Variants in FER1L6 observed in about 807,000 individuals in gnomAD.
FER1L6 encodes the protein fer-1 like family member 6.
A neutral mutation model predicts 219.2 loss-of-function variants in FER1L6; 177 were observed. The observed-to-expected ratio is 0.81, with a 90% CI of 0.71 to 0.91. The LOEUF (loss-of-function observed/expected upper bound fraction) is 0.91, where lower values mean the gene tolerates loss of function less well. Among genes scored for constraint, FER1L6 ranks in the 40% least tolerant of loss-of-function variants. The pLI is 0.00. For synonymous variants in FER1L6, 768 were observed against 824.3 expected, an observed-to-expected ratio of 0.93 and a Z score of 1.17; for missense variants, 2,153 against 2,259.9, an observed-to-expected ratio of 0.95 and a Z score of 0.96.
At chr8:123,886,054 C>G (rs556485654) in intron 1 of FER1L6, among the ~76,000 whole-genome samples, 7 of 152,306 alleles carry the variant, frequency 4.6e-5, no homozygotes, top group African/African-American at 1.7e-4. Flanking sequence ...CTTGAGACTG[C>G]GTTCGGAGTA....
At chr8:124,094,806 G>A in intron 34 of FER1L6, 90 bp from the exon 35 acceptor site, 1 of 1,401,568 alleles carries the variant, frequency 7.1e-7, no homozygotes, top group Non-Finnish European at 1.0e-6. Context: ...ATTTAAATAA[G>A]CCTGTAAGTG....
chr8:124,112,628 C>T (rs1251296362), intron 39 of FER1L6, among the ~76,000 whole-genome samples: 1 of 152,198 alleles, frequency 6.6e-6, no homozygotes, highest in Non-Finnish European at 1.5e-5. Context: ...ATCCCTGGTA[C>T]ATCAACAACC....
intron 20 of FER1L6, 115 bp downstream of exon 20, chr8:124,040,121 T>G: frequency 3.6e-6 from 5 of 1,383,828 alleles, no homozygotes; most frequent in Non-Finnish European, 4.0e-6. Context: ...TCTTTGGGTG[T>G]GTAGATGTTT....
intron 1 of FER1L6, among the ~76,000 whole-genome samples, chr8:123,886,902 A>C (rs1270186674): frequency 6.6e-6 from 1 of 152,190 alleles, no homozygotes; most frequent in Non-Finnish European, 1.5e-5. Context: ...AAATATCGAA[A>C]CTGACCCAAT....
chr8:123,872,020 G>C (rs1286628008), intron 1 of FER1L6, among the ~76,000 whole-genome samples: 2 of 152,142 alleles, frequency 1.3e-5, no homozygotes, highest in Admixed American at 1.3e-4. Flanking sequence ...GTATAACACA[G>C]GTATTTGCTT....
intron 1 of FER1L6, among the ~76,000 whole-genome samples, chr8:123,885,058 T>A (rs1044051119): frequency 6.6e-6 from 1 of 152,074 alleles, no homozygotes; most frequent in African/African-American, 2.4e-5. Flanking sequence ...ACTGGAGTGA[T>A]GCACCTGCAA....
At chr8:124,009,759 G>C (rs1817827298) in intron 13 of FER1L6, among the ~76,000 whole-genome samples, 1 of 152,058 alleles carries the variant, frequency 6.6e-6, no homozygotes, top group African/African-American at 2.4e-5. Context: ...TGCAGACCCA[G>C]CGAGGAGCCA....
chr8:124,056,050 A>AC (rs1222652508), intron 22 of FER1L6, among the ~76,000 whole-genome samples: 1 of 152,026 alleles, frequency 6.6e-6, no homozygotes, highest in Non-Finnish European at 1.5e-5. Flanking sequence ...CCTCATAAGG[A>AC]CCCTCAAGAA....
intron 1 of FER1L6, among the ~76,000 whole-genome samples, chr8:123,856,015 A>G (rs1816633695): frequency 6.9e-6 from 1 of 143,990 alleles, no homozygotes; most frequent in South Asian, 2.2e-4. Flanking sequence ...TATGAGATAT[A>G]TGTATATACA....
In FER1L6 at chr8:124,094,634, C is replaced by T. The variant is rs113000328; in HGVS notation, c.4553-262C>T. 4.9e-3 allele frequency among the ~76,000 whole-genome samples: 751 copies of T among 152,070 alleles called. 5 individuals are homozygous for T. The highest frequency in any genetic ancestry group is 0.016 in the African/African-American group (658 of 41,486). ...CTGAGTAGCTGGGATTACAGGCACC[C>T]GCCACCACACCTGGCTAATTTTTTG... On this transcript the variant is annotated intron_variant, in intron 34 of 40. Transcript: ENST00000522917.
chr8:123,906,135 C>T (rs1460235338), intron 1 of FER1L6, among the ~76,000 whole-genome samples: 5 of 152,150 alleles, frequency 3.3e-5, no homozygotes, highest in Admixed American at 6.6e-5. Flanking sequence ...TGGGTATTTC[C>T]ACTGACCCTT....
intron 32 of FER1L6, among the ~76,000 whole-genome samples, chr8:124,082,026 G>A (rs544490179): frequency 7.9e-5 from 12 of 152,224 alleles, no homozygotes; most frequent in East Asian, 1.9e-4. Flanking sequence ...CCTCTCCATC[G>A]TGCTGTCACC....
At position 123,853,448 on chromosome 8, in the gene FER1L6, C is replaced by T. The variant is rs1050745902; in HGVS notation, c.-8+1263C>T. On this transcript the variant is annotated intron_variant, in intron 1 of 40. Transcript: ENST00000522917. This position sits in a 1 kb window ranked among gnomAD's most constrained non-coding sequence, Gnocchi z 6.6. ...GGGATTATAGGCGTGAGCCACCGTA[C>T]CCGGCCTAAAATAGAAGAAATCATT... is the stretch of plus-strand genomic sequence containing the variant. 6.6e-6 allele frequency among the ~76,000 whole-genome samples: 1 copy of T among 152,210 alleles called. No individual in the cohort carries two copies. Among genetic ancestry groups the T allele is most frequent in the African/African-American group, 2.4e-5 (1 of 41,444 alleles).
chr8:124,082,341 T>C lies in FER1L6; in HGVS notation c.4274T>C (p.Ile1425Thr). 6.2e-7 allele frequency: 1 copy of C among 1,614,002 alleles called. No homozygotes were observed. The highest frequency in any genetic ancestry group is 8.5e-7 in the Non-Finnish European group (1 of 1,179,926). ...AAAGAGTCCCTGCTCTCCATCCTGA[T>C]CTATGACCATGACATGATTGGCACA... Reference protein sequence around the residue: ...FPKESLLSILIYDHDMIGTDD... With the variant: ...FPKESLLSILTYDHDMIGTDD... Residue 1425 changes from isoleucine to threonine, a missense_variant, in exon 33 of 41, where the codon ATC (isoleucine) becomes ACC (threonine). Physicochemically the swap from Ile to Thr is moderately conservative, Grantham distance 89. Transcript: ENST00000522917.
chr8:123,897,936 T>C (rs1812773570), intron 1 of FER1L6, among the ~76,000 whole-genome samples: 1 of 152,114 alleles, frequency 6.6e-6, no homozygotes, highest in Non-Finnish European at 1.5e-5. Context: ...AAAGCAGCCA[T>C]AGACAAAACA....
intron 22 of FER1L6, among the ~76,000 whole-genome samples, chr8:124,055,668 C>T (rs1221285912): frequency 6.6e-6 from 1 of 152,078 alleles, no homozygotes. Flanking sequence ...GAAAGTCCAC[C>T]TCCCTTTCTT....
chr8:123,883,117 T>G (rs1005563281), intron 1 of FER1L6, among the ~76,000 whole-genome samples: 2 of 151,900 alleles, frequency 1.3e-5, no homozygotes, highest in Non-Finnish European at 2.9e-5. Flanking sequence ...AGAGGTAAAT[T>G]TGAGCTGAGA....
At chr8:124,107,590 A>T (rs1822833544) in intron 39 of FER1L6, among the ~76,000 whole-genome samples, 2 of 152,012 alleles carry the variant, frequency 1.3e-5, no homozygotes, top group African/African-American at 4.8e-5. Flanking sequence ...ATGATTTTTT[A>T]CCTTCTCTCC....
At position 123,946,466 on chromosome 8, in the gene FER1L6, C is replaced by A. The variant is rs1162948798; in HGVS notation, c.-7-9526C>A. On this transcript the variant is annotated intron_variant, in intron 1 of 40. Coordinates refer to ENST00000522917, the MANE Select transcript of FER1L6 (RefSeq NM_001039112.2). ...ACAGGGTTTTGCCATGTTGGCCAGG[C>A]TGGTCTCAAACTCCTGACCTCAAGC... Among the ~76,000 whole-genome samples, 3 of 152,150 alleles carry A rather than the reference C, an allele frequency of 2.0e-5. No homozygotes were observed. The East Asian group carries it at 5.8e-4, about 29-fold the overall frequency.
Sources: allele counts gnomAD v4.1 joint callset (sites outside exome capture counted in the v4.1 genomes callset), GRCh38; gene constraint gnomAD v4.1.1; non-coding constraint Gnocchi (gnomAD v3.1); transcripts MANE v1.5; gene names NCBI Gene and HGNC (gene_info 2026-07-23, HGNC 2026-07-21).